The following GLG1 variants were observed in gnomAD, a reference collection of about 807,000 sequenced individuals.
The protein encoded by GLG1 is Golgi apparatus protein 1.
GLG1 carries 38 observed loss-of-function variants against 160.5 expected under a neutral mutation model. The ratio of observed to expected loss-of-function variants is 0.24; its 90% CI spans 0.18 to 0.31. GLG1 has a LOEUF of 0.31. GLG1 is among the 10% of genes least tolerant of loss of function. The pLI, the probability that GLG1 is intolerant of heterozygous loss-of-function variation, is 1.00. For missense variants in GLG1, 1,373 were observed against 1,505.2 expected, an observed-to-expected ratio of 0.91 and a Z score of 1.45; for synonymous variants, 644 against 543.4, an observed-to-expected ratio of 1.19 and a Z score of -2.57.
At chr16:74,528,193 A>G (rs1278067826) in intron 2 of GLG1, among the ~76,000 whole-genome samples, 1 of 151,514 alleles carries the variant, frequency 6.6e-6, no homozygotes, top group Non-Finnish European at 1.5e-5. Flanking sequence ...TAGAGACAGG[A>G]TTTCACCATG....
intron 1 of GLG1, among the ~76,000 whole-genome samples, chr16:74,571,141 C>T (rs886689423): frequency 6.6e-6 from 1 of 152,122 alleles, no homozygotes; most frequent in African/African-American, 2.4e-5. Flanking sequence ...AGGAGTGAGA[C>T]AGCAAGCTAG....
chr16:74,597,720 G>T (rs1958338634), intron 1 of GLG1, among the ~76,000 whole-genome samples: 1 of 152,052 alleles, frequency 6.6e-6, no homozygotes, highest in South Asian at 2.1e-4. Context: ...CGGGCATGGT[G>T]GCGGGCGCCT....
chr16:74,452,419 C>G lies in GLG1; in HGVS notation c.*748G>C. On this transcript the variant is annotated 3_prime_UTR_variant, in exon 26 of 26. Transcript: ENST00000422840. ...TCACAAACTTCCGGTCCCTTCCCCT[C>G]CCCAGCTGCCCTTGTCTAGGAAGGC... 1 of 1,170,900 alleles carries G rather than the reference C, an allele frequency of 8.5e-7. No homozygotes were observed. The highest frequency in any genetic ancestry group is 2.5e-5 in the South Asian group (1 of 39,654). 72.5% of individuals were successfully genotyped at this position (1,170,900 alleles called of 1,614,324 possible). A position where few individuals can be genotyped will look rare whatever the true frequency, so the allele number is the denominator to read the frequency against.
At chr16:74,508,996 T>A (rs370660731) in intron 2 of GLG1, 71 bp from the exon 3 acceptor site, 1 of 707,072 alleles carries the variant, frequency 1.4e-6, no homozygotes, top group Non-Finnish European at 2.5e-6. Context: ...ATTATCAACG[T>A]TAAATGACAA....
At chr16:74,584,830 CTA>C (rs2143834566) in intron 1 of GLG1, among the ~76,000 whole-genome samples, 8 of 151,934 alleles carry the variant, frequency 5.3e-5, no homozygotes, top group African/African-American at 1.9e-4. Context: ...GCAGGAGAAT[CTA>C]TTGAATCTGG....
intron 1 of GLG1, among the ~76,000 whole-genome samples, chr16:74,588,716 G>C (rs1440256384): frequency 6.6e-6 from 1 of 151,982 alleles, no homozygotes; most frequent in Admixed American, 6.6e-5. Flanking sequence ...ACCACACTTG[G>C]CCTGTTCTTA....
intron 1 of GLG1, among the ~76,000 whole-genome samples, chr16:74,604,974 A>G (rs922871575): frequency 6.6e-6 from 1 of 152,192 alleles, no homozygotes; most frequent in Admixed American, 6.5e-5. Context: ...TAAAGCCGGG[A>G]GGTGGAGGTT....
chr16:74,514,080 G>C (rs1209601459), intron 2 of GLG1, among the ~76,000 whole-genome samples: 1 of 152,080 alleles, frequency 6.6e-6, no homozygotes, highest in East Asian at 1.9e-4. Context: ...CAGAAGACAA[G>C]ATTAGATAAA....
chr16:74,467,020 C>T (rs1056559866), intron 18 of GLG1, among the ~76,000 whole-genome samples: 7 of 152,142 alleles, frequency 4.6e-5, no homozygotes, highest in Non-Finnish European at 7.4e-5. Flanking sequence ...AAGAGCCAAC[C>T]GGAAACACAC....
chr16:74,494,996 G>A (rs984908487), intron 5 of GLG1, among the ~76,000 whole-genome samples, 165 bp from the exon 6 acceptor site: 7 of 151,936 alleles, frequency 4.6e-5, no homozygotes, highest in African/African-American at 1.7e-4. Flanking sequence ...AACAAAAACA[G>A]TGACTGCAGT....
At chr16:74,465,617 G>C (rs2014971418) in intron 19 of GLG1, 59 bp downstream of exon 19, 1 of 1,566,658 alleles carries the variant, frequency 6.4e-7, no homozygotes, top group East Asian at 2.3e-5. Context: ...TGCTGCCATT[G>C]TTTGTGCTTT....
At position 74,491,244 on chromosome 16, in the gene GLG1, C is replaced by A. The variant is rs200215355; in HGVS notation, c.1235-29G>T. ...AGTTAGGATGTAAGTCATAACATTA[C>A]GAAGGGTGATGCTATGTATTAGCAT... is the stretch of plus-strand genomic sequence containing the variant. On this transcript the variant is annotated intron_variant, in intron 7 of 25. Transcript: ENST00000422840. The A allele has an allele frequency of 1.1e-4, 157 of 1,489,306 alleles. 2 individuals are homozygous for A. The African/African-American group carries it at 1.6e-3, about 16-fold the overall frequency. 92.3% of individuals were successfully genotyped at this position (1,489,306 alleles called of 1,614,324 possible). A position where few individuals can be genotyped will look rare whatever the true frequency, so the allele number is the denominator to read the frequency against.
At chr16:74,521,724 T>C (rs1487320896) in intron 2 of GLG1, among the ~76,000 whole-genome samples, 2 of 152,032 alleles carry the variant, frequency 1.3e-5, no homozygotes, top group African/African-American at 2.4e-5. Context: ...AAAAAGACAA[T>C]AACAACAAAT....
chr16:74,596,281 CACTTT>C (rs1172572888), intron 1 of GLG1, among the ~76,000 whole-genome samples: 1 of 151,966 alleles, frequency 6.6e-6, no homozygotes, highest in Admixed American at 6.6e-5. Context: ...GTAATCCCAG[CACTTT>C]GGGGGGCTAA....
At chr16:74,479,187 G>A (rs964848342) in intron 11 of GLG1, among the ~76,000 whole-genome samples, 5 of 140,730 alleles carry the variant, frequency 3.6e-5, no homozygotes, top group South Asian at 2.3e-4. Flanking sequence ...TCACACCACT[G>A]CACTCCAGCC....
chr16:74,563,654 G>C (rs1245592868), intron 1 of GLG1, among the ~76,000 whole-genome samples: 1 of 147,078 alleles, frequency 6.8e-6, no homozygotes, highest in Non-Finnish European at 1.5e-5. Context: ...TTGAACCCAG[G>C]AGGCAGAGGT....
At chr16:74,503,403 T>G in intron 4 of GLG1, 128 bp downstream of exon 4, 1 of 688,200 alleles carries the variant, frequency 1.5e-6, no homozygotes, top group Middle Eastern at 4.1e-4. Context: ...TAGGGCTGTC[T>G]GGACAAGTTT....
At chr16:74,457,810 A>C (rs946121916) in intron 24 of GLG1, 64 bp downstream of exon 24, 3 of 1,499,296 alleles carry the variant, frequency 2.0e-6, no homozygotes, top group African/African-American at 2.8e-5. Flanking sequence ...CTGATGTCTA[A>C]GAGGGAGTCT....
At chr16:74,561,767 C>A (rs911600161) in intron 1 of GLG1, among the ~76,000 whole-genome samples, 7 of 152,168 alleles carry the variant, frequency 4.6e-5, no homozygotes, top group African/African-American at 1.7e-4. Flanking sequence ...AGCATGGAAT[C>A]ACAGAGATCC....
Sources: gnomAD v4.1 joint callset for allele counts (sites outside exome capture counted in the v4.1 genomes callset) on GRCh38, gnomAD v4.1.1 for gene constraint, MANE v1.5 for transcripts, NCBI Gene and HGNC (gene_info 2026-07-23, HGNC 2026-07-21) for gene names.